The following TSC22D1 variants were observed in gnomAD, a reference collection of about 807,000 sequenced individuals.
The protein encoded by TSC22D1 is TSC22 domain family protein 1.
A neutral mutation model predicts 74.2 loss-of-function variants in TSC22D1; 9 were observed. The observed-to-expected ratio is 0.12, with a 90% CI of 0.07 to 0.21. TSC22D1 has a LOEUF of 0.21. Among genes scored for constraint, TSC22D1 ranks in the 10% least tolerant of loss-of-function variants. TSC22D1 has a pLI of 1.00. For synonymous variants in TSC22D1, 586 were observed against 492.5 expected (o/e 1.19, Z -2.51); for missense variants, 1,427 against 1,304.7 (o/e 1.09, Z -1.44).
chr13:44,437,151 T>TA lies in TSC22D1; in HGVS notation c.2913-1057dup, dbSNP rs1874767092. ...AATGTGAAGGGTCCCTGAAAAATAC[T>TA]ATGGGGGCCCCCACACGTGCTTACG... On this transcript the variant is annotated intron_variant, in intron 1 of 2. Transcript: ENST00000458659. The TA allele has an allele frequency of 3.0e-6, 3 of 985,500 alleles. No individual in the cohort carries two copies. In the Admixed American group the frequency reaches 1.8e-4, roughly 61 times the overall value. 61.0% of individuals were successfully genotyped at this position (985,500 alleles called of 1,614,324 possible).
intron 1 of TSC22D1, among the ~76,000 whole-genome samples, chr13:44,451,112 C>T (rs1451197474): frequency 6.6e-6 from 1 of 152,236 alleles, no homozygotes; most frequent in Non-Finnish European, 1.5e-5. Flanking sequence ...TCTCCAATGC[C>T]AGGCACCCTA....
chr13:44,456,121 A>G (rs1876601739), intron 1 of TSC22D1, among the ~76,000 whole-genome samples: 1 of 152,206 alleles, frequency 6.6e-6, no homozygotes, highest in South Asian at 2.1e-4. Context: ...TAAAGAATAA[A>G]GCCGTGGACC....
At chr13:44,565,174 C>G (rs558346955) in intron 1 of TSC22D1, among the ~76,000 whole-genome samples, 2 of 152,240 alleles carry the variant, frequency 1.3e-5, no homozygotes, top group South Asian at 4.1e-4. Flanking sequence ...AGCATACAAA[C>G]TGTCTTTACA....
In TSC22D1 at chr13:44,434,195, T is replaced by C. The variant is rs886353769; in HGVS notation, c.*431A>G. 1.5e-5 allele frequency: 22 copies of C among 1,459,890 alleles called. No individual in the cohort carries two copies. In the African/African-American group the frequency reaches 3.1e-4, roughly 20 times the overall value. The allele number at this position is 1,459,890 out of a possible 1,614,324, so 90.4% of individuals were successfully genotyped here. A position where few individuals can be genotyped will look rare whatever the true frequency, so the allele number is the denominator to read the frequency against. On this transcript the variant is annotated 3_prime_UTR_variant, in exon 3 of 3. Coordinates refer to ENST00000458659, the MANE Select transcript of TSC22D1 (RefSeq NM_183422.4). ...TTTTACCCTCCTTTCAAGTTCCTCC[T>C]GGGGGGAGGAGAGGAGAGAGGCGAG...
rs1483385835 is a variant in TSC22D1, at chr13:44,432,687, G to T, written c.*1939C>A. 1 of 151,674 alleles carries T rather than the reference G, an allele frequency of 6.6e-6. No individual in the cohort carries two copies. The highest frequency in any genetic ancestry group is 1.5e-5 in the Non-Finnish European group (1 of 67,948). The allele number at this position is 151,674 out of a possible 1,614,324, so 9.4% of individuals were successfully genotyped here. A position where few individuals can be genotyped will look rare whatever the true frequency, so the allele number is the denominator to read the frequency against. Reference sequence around the variant, plus strand: ...CTAGATGAGAGAAATGAATGATTCAGAAAGTTTGTCCTTGTTCTGCAAGGA... The same window carrying T: ...CTAGATGAGAGAAATGAATGATTCATAAAGTTTGTCCTTGTTCTGCAAGGA... On this transcript the variant is annotated 3_prime_UTR_variant, in exon 3 of 3. Transcript: ENST00000458659.
rs1392240151 is a variant in TSC22D1, at chr13:44,573,755, GAAT to G, written c.2317_2319del (p.Ile773del). On this transcript the variant is annotated inframe_deletion, in exon 1 of 3. Transcript: ENST00000458659. ...GGAGCACTAGTTTGAACTCCCTGATGAATAATCCCAGTTTGAGCAGGTGGAACC... is the reference window on the plus strand; with the variant it reads ...GGAGCACTAGTTTGAACTCCCTGATGAATCCCAGTTTGAGCAGGTGGAACC... The G allele has an allele frequency of 1.2e-6, 2 of 1,614,230 alleles. No individual in the cohort carries two copies. Among genetic ancestry groups the G allele is most frequent in the Non-Finnish European group, 1.7e-6 (2 of 1,180,044 alleles).
chr13:44,457,186 C>T (rs904450384), intron 1 of TSC22D1, among the ~76,000 whole-genome samples: 1 of 152,208 alleles, frequency 6.6e-6, no homozygotes, highest in African/African-American at 2.4e-5. Context: ...CCAGCTGAAC[C>T]AAAACTGCAC....
intron 1 of TSC22D1, among the ~76,000 whole-genome samples, chr13:44,517,580 T>C (rs1193642855): frequency 6.6e-6 from 1 of 151,080 alleles, no homozygotes; most frequent in Non-Finnish European, 1.5e-5. Context: ...TGCGGTGGCT[T>C]GCGCCTATAA....
At chr13:44,521,306 G>A (rs1231554052) in intron 1 of TSC22D1, among the ~76,000 whole-genome samples, 1 of 152,108 alleles carries the variant, frequency 6.6e-6, no homozygotes, top group Non-Finnish European at 1.5e-5. Context: ...CACAGTGAAA[G>A]CTTTCAGTCA....
intron 1 of TSC22D1, among the ~76,000 whole-genome samples, chr13:44,531,113 C>T (rs1287088389): frequency 1.3e-5 from 2 of 152,100 alleles, no homozygotes; most frequent in Non-Finnish European, 2.9e-5. Context: ...CCAATGTAAA[C>T]TATAGACTTT....
chr13:44,436,458 G>C (rs1202601552), intron 1 of TSC22D1: 1 of 1,595,626 alleles, frequency 6.3e-7, no homozygotes, highest in Non-Finnish European at 8.6e-7. Context: ...ATTATTATAA[G>C]TATCCCACGA....
At chr13:44,529,401 G>A (rs905695272) in intron 1 of TSC22D1, among the ~76,000 whole-genome samples, 6 of 151,896 alleles carry the variant, frequency 4.0e-5, no homozygotes, top group Non-Finnish European at 5.9e-5. Context: ...GGCAAACTAG[G>A]AAGAGAGGGA....
intron 1 of TSC22D1, among the ~76,000 whole-genome samples, chr13:44,510,093 T>C (rs867987435): frequency 6.6e-5 from 10 of 151,532 alleles, no homozygotes; most frequent in Admixed American, 1.3e-4. Context: ...CTTAAAAATG[T>C]TTATACTCCG....
intron 1 of TSC22D1, among the ~76,000 whole-genome samples, chr13:44,565,828 G>A (rs1039759182): frequency 3.9e-4 from 60 of 152,100 alleles, no homozygotes; most frequent in Non-Finnish European, 6.0e-4. Context: ...AAAGTGATGC[G>A]ATTACAGGTG....
At chr13:44,510,783 A>G (rs1879679927) in intron 1 of TSC22D1, among the ~76,000 whole-genome samples, 1 of 152,082 alleles carries the variant, frequency 6.6e-6, no homozygotes, top group African/African-American at 2.4e-5. Context: ...TTTGGTACAG[A>G]CAGGGTTTCC....
rs762723507 is a variant in TSC22D1, at chr13:44,574,176, T to C, written c.1899A>G (p.Gln633=). 1 of 1,614,256 alleles carries C rather than the reference T, an allele frequency of 6.2e-7. No individual in the cohort carries two copies. Among genetic ancestry groups the C allele is most frequent in the Non-Finnish European group, 8.5e-7 (1 of 1,180,044 alleles). The change falls in exon 1 of 3, where the codon CAA becomes CAG. Residue 633 remains glutamine (Q), a synonymous_variant. Transcript: ENST00000458659. ...GGGCCATCTGTGTAGAAACCATTGG[T>C]TGCTGTTGTCCATACTGTAACTGTT... is the stretch of plus-strand genomic sequence containing the variant. ...PPQQLQYGQQ[Q]PMVSTQMAPG...
rs754850945 is a variant in TSC22D1 at position 44,447,574 on chromosome 13, G to GATT, written c.2913-11480_2913-11479insAAT. Among the ~76,000 whole-genome samples, 102 of 152,026 alleles carry GATT rather than the reference G, an allele frequency of 6.7e-4. 1 individual carries two copies. Among genetic ancestry groups the GATT allele is most frequent in the African/African-American group, 2.4e-3 (101 of 41,496 alleles). ...AAAATTAAATACTTGCTTTAAGTGT[G>GATT]AGAATTTTAAAAGTCTTAAAATGCT... On this transcript the variant is annotated intron_variant, in intron 1 of 2. Coordinates refer to ENST00000458659, the MANE Select transcript of TSC22D1 (RefSeq NM_183422.4).
intron 1 of TSC22D1, among the ~76,000 whole-genome samples, chr13:44,479,681 G>T (rs2137928889): frequency 6.6e-6 from 1 of 152,278 alleles, no homozygotes; most frequent in African/African-American, 2.4e-5. Context: ...CAAAAAGTAA[G>T]TACTGGCCAC....
chr13:44,435,886 G>A lies in TSC22D1; in HGVS notation c.2964+158C>T, dbSNP rs967790074. ...TCTCCCTCCACGGCTGCCGTGGTAG[G>A]TGGCTCCACGCTGGCCGAATGGAGA... is the stretch of plus-strand genomic sequence containing the variant. On this transcript the variant is annotated intron_variant, in intron 2 of 2. Coordinates refer to ENST00000458659, the MANE Select transcript of TSC22D1 (RefSeq NM_183422.4). The A allele has an allele frequency of 5.2e-6, 4 of 770,640 alleles. No individual in the cohort carries two copies. In the African/African-American group the frequency reaches 5.3e-5, roughly 10 times the overall value. 47.7% of individuals were successfully genotyped at this position (770,640 alleles called of 1,614,324 possible).
Sources: allele counts gnomAD v4.1 joint callset (sites outside exome capture counted in the v4.1 genomes callset), GRCh38; gene constraint gnomAD v4.1.1; transcripts MANE v1.5; gene names NCBI Gene and HGNC (gene_info 2026-07-23, HGNC 2026-07-21).